The following PARD3B variants were observed in gnomAD, a reference collection of about 807,000 sequenced individuals.
The protein encoded by PARD3B is par-3 family cell polarity regulator beta.
In PARD3B, 103 loss-of-function variants were observed where a neutral mutation model predicts 130.2. That is an observed-to-expected ratio of 0.79 (90% CI 0.67 to 0.93). The LOEUF (loss-of-function observed/expected upper bound fraction) is 0.93. PARD3B is among the 40% of genes least tolerant of loss of function. The pLI is 0.00. For synonymous variants in PARD3B, 583 were observed against 553.2 expected (o/e 1.05, Z -0.76); for missense variants, 1,609 against 1,499.2 (o/e 1.07, Z -1.21).
rs2106161269 is a variant in PARD3B, at chr2:205,440,945, C to T, written c.3044+273C>T. Among the ~76,000 whole-genome samples, 1 of 152,310 alleles carries T rather than the reference C, an allele frequency of 6.6e-6. No individual in the cohort carries two copies. Among genetic ancestry groups the T allele is most frequent in the Non-Finnish European group, 1.5e-5 (1 of 68,034 alleles). Reference sequence around the variant, plus strand: ...TGAAGGAGTATTGTGACAGACATCTCATGAAGAAAACTTTGAACGAATATT... The same window carrying T: ...TGAAGGAGTATTGTGACAGACATCTTATGAAGAAAACTTTGAACGAATATT... On this transcript the variant is annotated intron_variant, in intron 20 of 22. Transcript: ENST00000406610. This position sits in a 1 kb window ranked among gnomAD's most constrained non-coding sequence, Gnocchi z 4.2.
chr2:205,153,339 C>T (rs1000210079), intron 10 of PARD3B, among the ~76,000 whole-genome samples: 6 of 152,114 alleles, frequency 3.9e-5, no homozygotes, highest in African/African-American at 9.7e-5. Flanking sequence ...AGAAATCACC[C>T]GTCTTCTGTG....
chr2:205,062,249 G>A (rs556491169), intron 4 of PARD3B, among the ~76,000 whole-genome samples: 12 of 151,936 alleles, frequency 7.9e-5, no homozygotes, highest in Non-Finnish European at 1.5e-4. Context: ...ATGATAATAC[G>A]TTCGTTGAGG....
intron 2 of PARD3B, among the ~76,000 whole-genome samples, chr2:204,955,002 A>G (rs1690116605): frequency 1.3e-5 from 2 of 152,198 alleles, no homozygotes; most frequent in Admixed American, 6.5e-5. Context: ...AGGCTGCTCT[A>G]TTTGTAGCCA....
rs188545314 is a variant in PARD3B at position 204,673,616 on chromosome 2, G to A, written c.121-12565G>A. On this transcript the variant is annotated intron_variant, in intron 1 of 22. Transcript: ENST00000406610. This position sits in a 1 kb window ranked among gnomAD's most constrained non-coding sequence, Gnocchi z 4.7. The stretch of plus-strand genomic sequence containing the variant: ...CCAGTCTGCCACTGACTTGCCTCAA[G>A]TCTGTGCTCAAATGCCACTTTTTCA... Among the ~76,000 whole-genome samples, 57 of 152,292 alleles carry A rather than the reference G, an allele frequency of 3.7e-4. No individual in the cohort carries two copies. Among genetic ancestry groups the A allele is most frequent in the Admixed American group, 1.2e-3 (18 of 15,306 alleles).
intron 2 of PARD3B, among the ~76,000 whole-genome samples, chr2:204,820,071 C>CTTTTTTT (rs557143420): frequency 0.081 from 7,970 of 98,038 alleles, 869 homozygotes; most frequent in African/African-American, 0.14. Context: ...AAACAATAGA[C>CTTTTTTT]TTTTTTTTTT....
At chr2:205,054,619 C>T (rs907566026) in intron 4 of PARD3B, among the ~76,000 whole-genome samples, 61 of 150,792 alleles carry the variant, frequency 4.0e-4, no homozygotes, top group Admixed American at 3.6e-3. Context: ...CAACAGGCCC[C>T]GGTGTGTGGT....
At chr2:204,620,463 G>A (rs2034259980) in intron 1 of PARD3B, among the ~76,000 whole-genome samples, 1 of 152,202 alleles carries the variant, frequency 6.6e-6, no homozygotes, top group African/African-American at 2.4e-5. Flanking sequence ...ACTGGCCAAA[G>A]TAAGTCGCAG....
At chr2:204,848,661 A>G (rs1344648274) in intron 2 of PARD3B, among the ~76,000 whole-genome samples, 1 of 151,402 alleles carries the variant, frequency 6.6e-6, no homozygotes, top group Non-Finnish European at 1.5e-5. Flanking sequence ...CTATCTATCT[A>G]TCTGTCTGTC....
At chr2:205,173,734 G>A (rs1342953380) in intron 12 of PARD3B, among the ~76,000 whole-genome samples, 1 of 152,154 alleles carries the variant, frequency 6.6e-6, no homozygotes, top group African/African-American at 2.4e-5. Context: ...GTCTGCTTAA[G>A]TGACAGTGTT....
intron 4 of PARD3B, among the ~76,000 whole-genome samples, chr2:205,066,076 C>T (rs1429129479): frequency 6.6e-6 from 1 of 152,164 alleles, no homozygotes; most frequent in East Asian, 1.9e-4. Flanking sequence ...AGGACACAGA[C>T]TCTCTCGGGT....
chr2:205,272,617 T>C (rs2040774529), intron 16 of PARD3B, among the ~76,000 whole-genome samples: 1 of 152,144 alleles, frequency 6.6e-6, no homozygotes, highest in Non-Finnish European at 1.5e-5. Context: ...TTCAAATAAG[T>C]CATCAAATAC....
intron 1 of PARD3B, among the ~76,000 whole-genome samples, chr2:204,600,431 T>C (rs1171784540): frequency 6.6e-6 from 1 of 151,828 alleles, no homozygotes; most frequent in Admixed American, 6.6e-5. Flanking sequence ...TTGTTCTTTC[T>C]TTAATATTCT....
chr2:205,342,203 A>G (rs2105812424), intron 18 of PARD3B, among the ~76,000 whole-genome samples: 1 of 152,316 alleles, frequency 6.6e-6, no homozygotes, highest in South Asian at 2.1e-4. Flanking sequence ...ATTGTCTTTG[A>G]TATGCAGGCA....
chr2:204,602,454 AT>A (rs2033553012), intron 1 of PARD3B, among the ~76,000 whole-genome samples: 1 of 151,298 alleles, frequency 6.6e-6, no homozygotes, highest in East Asian at 2.0e-4. Flanking sequence ...TTAAAAAAAA[AT>A]AAAAACAAAA....
intron 1 of PARD3B, chr2:204,558,083 C>T (rs772942146): frequency 5.3e-5 from 8 of 152,156 alleles, no homozygotes; most frequent in African/African-American, 1.7e-4. Context: ...GCTGAACTCT[C>T]GTTTTTTGGA....
chr2:204,707,975 C>T (rs1055573898), intron 2 of PARD3B, among the ~76,000 whole-genome samples: 4 of 151,950 alleles, frequency 2.6e-5, no homozygotes, highest in Admixed American at 2.6e-4. Context: ...ACCAAGAGAC[C>T]CCTTTGGAGA....
At chr2:205,203,665 A>G (rs1186151393) in intron 15 of PARD3B, among the ~76,000 whole-genome samples, 3 of 151,818 alleles carry the variant, frequency 2.0e-5, no homozygotes, top group African/African-American at 7.3e-5. Flanking sequence ...ATGTGTTCTC[A>G]TTGTTCAACT....
At chr2:205,257,092 A>G (rs1332626600) in intron 16 of PARD3B, among the ~76,000 whole-genome samples, 1 of 152,168 alleles carries the variant, frequency 6.6e-6, no homozygotes, top group African/African-American at 2.4e-5. Context: ...ACTGTATCCA[A>G]TAAAAACAGA....
In PARD3B at chr2:204,775,194, G is replaced by T. The variant is rs542215173; in HGVS notation, c.222+88912G>T. On this transcript the variant is annotated intron_variant, in intron 2 of 22. Coordinates refer to ENST00000406610, the MANE Select transcript of PARD3B (RefSeq NM_001302769.2). ...TTGTTCGTAAATACGGATAAAAAAA[G>T]TGTCGTATAATACGTGAGCAATCAG... 1.4e-4 allele frequency among the ~76,000 whole-genome samples: 22 copies of T among 152,250 alleles called. No homozygotes were observed. In the South Asian group the frequency reaches 4.3e-3, roughly 30 times the overall value.
Sources: gnomAD v4.1 joint callset for allele counts (sites outside exome capture counted in the v4.1 genomes callset) on GRCh38, gnomAD v4.1.1 for gene constraint, Gnocchi (gnomAD v3.1) non-coding constraint, MANE v1.5 for transcripts, NCBI Gene and HGNC (gene_info 2026-07-23, HGNC 2026-07-21) for gene names.